PSMA3: variants seen among roughly 807,000 people sequenced by gnomAD.
The protein encoded by PSMA3 is proteasome 20S subunit alpha 3, also known as proteasome subunit alpha type-3.
In PSMA3, 8 loss-of-function variants were observed where a neutral mutation model predicts 40.0. That is an observed-to-expected ratio of 0.20 (90% CI 0.12 to 0.36). The LOEUF is 0.36. PSMA3 is among the 10% of genes least tolerant of loss of function. The probability of loss-of-function intolerance (pLI) is 1.00; values close to 1 mark genes in which losing one functional copy is unlikely to be tolerated. For missense variants in PSMA3, 219 were observed against 310.6 expected (o/e 0.70, Z 2.22); for synonymous variants, 110 against 100.0 (o/e 1.10, Z -0.59).
At chr14:58,247,466 C>A (rs1418372099) in intron 1 of PSMA3, among the ~76,000 whole-genome samples, 1 of 152,198 alleles carries the variant, frequency 6.6e-6, no homozygotes, top group Non-Finnish European at 1.5e-5. Context: ...GGTTCTACTG[C>A]CCCATATTAA....
chr14:58,260,124 CT>C (rs1890239991), intron 5 of PSMA3, among the ~76,000 whole-genome samples: 1 of 152,142 alleles, frequency 6.6e-6, no homozygotes, highest in South Asian at 2.1e-4. Context: ...ATAGTTGTCC[CT>C]TGGTATTTGT....
At chr14:58,246,789 C>T (rs1477314742) in intron 1 of PSMA3, among the ~76,000 whole-genome samples, 1 of 152,198 alleles carries the variant, frequency 6.6e-6, no homozygotes, top group African/African-American at 2.4e-5. Context: ...CTACCGCTAT[C>T]TTTGGAACAC....
Position 58,256,586 on chromosome 14 carries a change from G to A in PSMA3, c.229-1159G>A, listed in dbSNP as rs753006667. Among the ~76,000 whole-genome samples the A allele has an allele frequency of 3.4e-4, 52 of 151,072 alleles. 1 individual carries two copies. Among genetic ancestry groups the A allele is most frequent in the South Asian group, 8.4e-4 (4 of 4,772 alleles). On this transcript the variant is annotated intron_variant, in intron 3 of 10. Transcript: ENST00000216455. The stretch of plus-strand genomic sequence containing the variant: ...CTGCAACCACGCCTGGCTAATTTTT[G>A]TATTTTTAGTAGAGACGGCATTTCA...
chr14:58,245,241 G>A (rs1397779805), intron 1 of PSMA3: 1 of 410,954 alleles, frequency 2.4e-6, no homozygotes, highest in Non-Finnish European at 4.5e-6. Flanking sequence ...TAGGGAAACC[G>A]AAAGTGGAAA....
intron 10 of PSMA3, among the ~76,000 whole-genome samples, chr14:58,271,582 CTTTGGCCCCCG>C (rs1671827419): frequency 3.9e-5 from 6 of 152,236 alleles, no homozygotes; most frequent in Admixed American, 3.3e-4. Flanking sequence ...GATCTGCCTA[CTTTGGCCCCCG>C]TAAAGTGCTG....
intron 6 of PSMA3, among the ~76,000 whole-genome samples, chr14:58,261,992 T>C (rs1162581737): frequency 6.6e-6 from 1 of 151,374 alleles, no homozygotes; most frequent in Non-Finnish European, 1.5e-5. Context: ...AGTGGCTCGA[T>C]CTTGGTTCAC....
In PSMA3 at chr14:58,263,767, T is replaced by G; in HGVS notation, c.540T>G (p.Leu180=). The change falls in exon 7 of 11, where the codon CTT becomes CTG. Residue 180 remains leucine (L), a synonymous_variant. Transcript: ENST00000216455. ...CTGCAAAGACGGAAATAGAGAAGCTTCAGGTAATAATTAATGCTTGAATTT... is the reference window on the plus strand; with the variant it reads ...CTGCAAAGACGGAAATAGAGAAGCTGCAGGTAATAATTAATGCTTGAATTT... ...RQAAKTEIEK[L]QMKEMTCRDI... The G allele has an allele frequency of 6.2e-7, 1 of 1,613,684 alleles. No individual in the cohort carries two copies. Among genetic ancestry groups the G allele is most frequent in the Non-Finnish European group, 8.5e-7 (1 of 1,179,708 alleles).
intron 5 of PSMA3, among the ~76,000 whole-genome samples, chr14:58,259,481 A>AT (rs1180760428): frequency 2.0e-5 from 3 of 151,940 alleles, no homozygotes; most frequent in Non-Finnish European, 2.9e-5. Flanking sequence ...CGCCCGGCTA[A>AT]TTTTTTTATT....
chr14:58,262,024 G>C (rs1344778543), intron 6 of PSMA3, among the ~76,000 whole-genome samples: 3 of 151,924 alleles, frequency 2.0e-5, no homozygotes, highest in African/African-American at 7.3e-5. Flanking sequence ...CCGCCTCCTA[G>C]GTTCAAGCAA....
intron 3 of PSMA3, among the ~76,000 whole-genome samples, chr14:58,256,519 A>G (rs887744683): frequency 4.0e-5 from 6 of 150,328 alleles, no homozygotes; most frequent in Admixed American, 6.6e-5. Context: ...GGTTCAAGCA[A>G]TTCTCTGCCT....
chr14:58,245,778 C>A (rs947602662), intron 1 of PSMA3, among the ~76,000 whole-genome samples: 1 of 152,142 alleles, frequency 6.6e-6, no homozygotes, highest in Non-Finnish European at 1.5e-5. Flanking sequence ...TAATGAGTTT[C>A]TCAGTTCCTC....
chr14:58,265,114 G>A (rs1444648211), intron 7 of PSMA3: 1 of 152,048 alleles, frequency 6.6e-6, no homozygotes, highest in Non-Finnish European at 1.5e-5. Flanking sequence ...AAATGTTAGC[G>A]AGGTGAGGTG....
chr14:58,251,040 CTT>C, intron 2 of PSMA3, among the ~76,000 whole-genome samples: 1 of 151,974 alleles, frequency 6.6e-6, no homozygotes, highest in East Asian at 1.9e-4. Flanking sequence ...GAGAGGATTA[CTT>C]GAGCCTCAGA....
chr14:58,271,524 A>G (rs1232426603), intron 10 of PSMA3, among the ~76,000 whole-genome samples: 2 of 152,010 alleles, frequency 1.3e-5, no homozygotes, highest in African/African-American at 4.8e-5. Context: ...CACCAATAAT[A>G]CAGAGACGGG....
intron 1 of PSMA3, among the ~76,000 whole-genome samples, chr14:58,245,661 T>G (rs1889864738): frequency 6.6e-6 from 1 of 152,248 alleles, no homozygotes; most frequent in Admixed American, 6.5e-5. Flanking sequence ...TTTCCTTTGT[T>G]AAACGTATTG....
At chr14:58,248,190 T>G (rs574917111) in intron 2 of PSMA3, among the ~76,000 whole-genome samples, 1 of 152,350 alleles carries the variant, frequency 6.6e-6, no homozygotes, top group South Asian at 2.1e-4. Flanking sequence ...AAATGTCTTA[T>G]GCAATTAGTC....
intron 3 of PSMA3, among the ~76,000 whole-genome samples, chr14:58,257,363 T>A (rs1890168671): frequency 6.6e-6 from 1 of 151,832 alleles, no homozygotes; most frequent in Non-Finnish European, 1.5e-5. Flanking sequence ...CCGGGCGTGG[T>A]GGCAGGCGCC....
At chr14:58,249,948 G>C (rs540292694) in intron 2 of PSMA3, among the ~76,000 whole-genome samples, 2 of 152,172 alleles carry the variant, frequency 1.3e-5, no homozygotes, top group Admixed American at 6.5e-5. Context: ...CCTGCTGGGC[G>C]TGAGCCACGC....
chr14:58,270,309 AGAT>A, intron 8 of PSMA3, 106 bp from the exon 9 acceptor site: 1 of 1,442,944 alleles, frequency 6.9e-7, no homozygotes, highest in African/African-American at 1.4e-5. Flanking sequence ...GTAATTTTAT[AGAT>A]ACTTTTATTA....
Sources: gnomAD v4.1 joint callset for allele counts (sites outside exome capture counted in the v4.1 genomes callset) on GRCh38, gnomAD v4.1.1 for gene constraint, MANE v1.5 for transcripts, NCBI Gene and HGNC (gene_info 2026-07-23, HGNC 2026-07-21) for gene names.